METTL15: variants seen among roughly 807,000 people sequenced by gnomAD.
METTL15 encodes 12S rRNA N(4)-cytidine methyltransferase METTL15.
Under a neutral mutation model 38.3 loss-of-function variants are expected in METTL15, and 34 were observed. That is an observed-to-expected ratio of 0.89 (90% CI 0.68 to 1.18). The LOEUF is 1.18. METTL15 is among the 50% of genes most tolerant of loss of function. METTL15 has a pLI of 0.00. For missense variants in METTL15, 438 were observed against 498.4 expected, an observed-to-expected ratio of 0.88 and a Z score of 1.15; for synonymous variants, 162 against 170.9, an observed-to-expected ratio of 0.95 and a Z score of 0.41.
chr11:28,362,483 A>G (rs11828877), intron 5 of METTL15, among the ~76,000 whole-genome samples: 26,942 of 152,032 alleles, frequency 0.18, 2,613 homozygotes, highest in Non-Finnish European at 0.22. Flanking sequence ...TCATGCCCCA[A>G]TCCCTTTCTC....
chr11:28,164,737 G>T (rs1440417995), intron 3 of METTL15, among the ~76,000 whole-genome samples: 1 of 151,954 alleles, frequency 6.6e-6, no homozygotes, highest in Admixed American at 6.6e-5. Context: ...GGGTACATGT[G>T]TACAACGTGC....
chr11:28,255,708 A>G (rs1854944336), intron 4 of METTL15, among the ~76,000 whole-genome samples: 1 of 152,094 alleles, frequency 6.6e-6, no homozygotes, highest in Non-Finnish European at 1.5e-5. Flanking sequence ...AAATCATCAT[A>G]TGGCTTTTCT....
intron 6 of METTL15, among the ~76,000 whole-genome samples, chr11:28,505,730 G>A (rs1277039111): frequency 6.6e-6 from 1 of 152,158 alleles, no homozygotes; most frequent in East Asian, 1.9e-4. Flanking sequence ...ACTTAATTTA[G>A]TATCTGCCAT....
intron 3 of METTL15, among the ~76,000 whole-genome samples, chr11:28,339,375 A>C (rs1849929842): frequency 6.6e-6 from 1 of 152,038 alleles, no homozygotes; most frequent in African/African-American, 2.4e-5. Flanking sequence ...TGAAAACTAT[A>C]AAAAATAAAA....
chr11:28,295,372 C>G (rs1856693177), intron 5 of METTL15, among the ~76,000 whole-genome samples: 1 of 152,034 alleles, frequency 6.6e-6, no homozygotes, highest in Admixed American at 6.6e-5. Context: ...AGATCTTCAT[C>G]CTGAAAGCTG....
intron 5 of METTL15, among the ~76,000 whole-genome samples, chr11:28,387,776 T>C (rs1246392791): frequency 6.6e-6 from 1 of 152,084 alleles, no homozygotes; most frequent in Non-Finnish European, 1.5e-5. Flanking sequence ...CCATGAGGAA[T>C]ATTGGGACAA....
At chr11:28,311,954 C>T (rs920065386) in intron 6 of METTL15, among the ~76,000 whole-genome samples, 2 of 152,200 alleles carry the variant, frequency 1.3e-5, no homozygotes, top group African/African-American at 4.8e-5. Flanking sequence ...ATATCAGTGG[C>T]AGTCAAGGGA....
intron 5 of METTL15, among the ~76,000 whole-genome samples, 162 bp downstream of exon 5, chr11:28,290,559 G>A (rs999933238): frequency 1.5e-4 from 23 of 152,048 alleles, no homozygotes; most frequent in African/African-American, 4.8e-4. Context: ...ATACACATCA[G>A]TATTTCTCTG....
At chr11:28,174,914 T>TC (rs1851002919) in intron 3 of METTL15, among the ~76,000 whole-genome samples, 1 of 150,354 alleles carries the variant, frequency 6.7e-6, no homozygotes, top group African/African-American at 2.4e-5. Context: ...TCTTTGGAAT[T>TC]CTTTTTTTTT....
chr11:28,325,276 A>G (rs1305252248), intron 6 of METTL15, among the ~76,000 whole-genome samples: 1 of 152,208 alleles, frequency 6.6e-6, no homozygotes, highest in Non-Finnish European at 1.5e-5. Context: ...TGAGTCATGC[A>G]AGATGTAAAC....
At position 28,290,249 on chromosome 11, in the gene METTL15, G is replaced by T; in HGVS notation, c.451G>T (p.Ala151Ser). 6.2e-7 allele frequency: 1 copy of T among 1,613,098 alleles called. No homozygotes were observed. Among genetic ancestry groups the T allele is most frequent in the Non-Finnish European group, 8.5e-7 (1 of 1,179,492 alleles). The change falls in exon 5 of 7, where the codon GCC becomes TCC. Residue 151 changes from alanine (A) to serine (S), a missense_variant. Transcript: ENST00000407364. ...AMLGQFSQAE[A>S]LLMKAGVQPG... ...GCTGGGCCAGTTCAGCCAGGCAGAA[G>T]CCTTATTAATGAAAGCTGGAGTGCA... is the stretch of plus-strand genomic sequence containing the variant.
At chr11:28,184,582 C>A (rs1779234579) in intron 3 of METTL15, among the ~76,000 whole-genome samples, 1 of 151,740 alleles carries the variant, frequency 6.6e-6, no homozygotes, top group Non-Finnish European at 1.5e-5. Context: ...GAGTGAGTTT[C>A]TTATTTCTGA....
chr11:28,502,062 C>T (rs1404037101), intron 6 of METTL15, among the ~76,000 whole-genome samples: 1 of 147,742 alleles, frequency 6.8e-6, no homozygotes, highest in African/African-American at 2.5e-5. Flanking sequence ...GATCTCGCCA[C>T]TGCACTTCAG....
intron 3 of METTL15, among the ~76,000 whole-genome samples, chr11:28,156,490 A>G (rs1590828361): frequency 6.6e-6 from 1 of 152,300 alleles, no homozygotes; most frequent in African/African-American, 2.4e-5. Context: ...AAGCCTTTAA[A>G]AATGACCTTT....
intron 5 of METTL15, among the ~76,000 whole-genome samples, chr11:28,389,141 T>TA (rs753750759): frequency 6.6e-6 from 1 of 152,062 alleles, no homozygotes; most frequent in Non-Finnish European, 1.5e-5. Flanking sequence ...TCAATAAACA[T>TA]ACGTGTGCAT....
At chr11:28,283,737 C>T (rs551287596) in intron 4 of METTL15, among the ~76,000 whole-genome samples, 7 of 152,170 alleles carry the variant, frequency 4.6e-5, no homozygotes, top group Admixed American at 2.6e-4. Flanking sequence ...TCTACTGCTG[C>T]GTCCGTTGAC....
In METTL15 at chr11:28,511,848, G is replaced by A. The variant is rs377495090; in HGVS notation, c.*425-14630G>A. 1.2e-4 allele frequency among the ~76,000 whole-genome samples: 18 copies of A among 152,242 alleles called. No individual in the cohort carries two copies. The South Asian group carries it at 3.7e-3, about 32-fold the overall frequency. On this transcript the variant is annotated intron_variant and NMD_transcript_variant, in intron 6 of 7. Coordinates refer to the METTL15 transcript ENST00000532947. ...AGAACGGGTTGCCACTGATGGCTCT[G>A]GCAGCCTGCTTTTATTCTCTTATCT...
intron 6 of METTL15, among the ~76,000 whole-genome samples, chr11:28,434,617 A>G (rs1330930113): frequency 1.3e-5 from 2 of 152,196 alleles, no homozygotes; most frequent in African/African-American, 4.8e-5. Context: ...GAACTCTACT[A>G]CTGAGATGGT....
At chr11:28,499,420 A>C (rs879530287) in intron 6 of METTL15, among the ~76,000 whole-genome samples, 1 of 152,206 alleles carries the variant, frequency 6.6e-6, no homozygotes, top group African/African-American at 2.4e-5. Context: ...TTCTAACCTA[A>C]ATAAATATAT....
Sources: allele counts gnomAD v4.1 joint callset (sites outside exome capture counted in the v4.1 genomes callset), GRCh38; gene constraint gnomAD v4.1.1; transcripts MANE v1.5; gene names NCBI Gene and HGNC (gene_info 2026-07-23, HGNC 2026-07-21).